APP: variants seen among roughly 807,000 people sequenced by gnomAD.
APP encodes the protein amyloid-beta precursor protein.
A neutral mutation model predicts 101.4 loss-of-function variants in APP; 31 were observed. That is an observed-to-expected ratio of 0.31 (90% confidence interval 0.23 to 0.41). The LOEUF (loss-of-function observed/expected upper bound fraction) is 0.41. Ranked by LOEUF, APP falls within the 10% of genes least tolerant of loss-of-function variation. The pLI is 1.00. For synonymous variants in APP, 366 were observed against 364.4 expected, an observed-to-expected ratio of 1.00 and a Z score of -0.05; for missense variants, 839 against 1,003.7, an observed-to-expected ratio of 0.84 and a Z score of 2.22.
chr21:26,018,476 G>T (rs571511519), intron 6 of APP, among the ~76,000 whole-genome samples: 11 of 152,328 alleles, frequency 7.2e-5, no homozygotes, highest in Non-Finnish European at 1.3e-4. Context: ...GTCACCTTTT[G>T]TAACAGTGAG....
intron 6 of APP, among the ~76,000 whole-genome samples, chr21:26,009,027 T>C (rs1473368549): frequency 6.6e-6 from 1 of 152,210 alleles, no homozygotes; most frequent in South Asian, 2.1e-4. Flanking sequence ...TCAACAACGA[T>C]TGTTTTCCAA....
chr21:25,970,542 G>T (rs2041992171), intron 11 of APP, among the ~76,000 whole-genome samples: 1 of 152,066 alleles, frequency 6.6e-6, no homozygotes, highest in Non-Finnish European at 1.5e-5. Flanking sequence ...AGGAACCAAG[G>T]AACTTTTGTT....
chr21:26,131,918 T>C (rs916768711), intron 1 of APP, among the ~76,000 whole-genome samples: 3 of 151,994 alleles, frequency 2.0e-5, no homozygotes, highest in Admixed American at 1.3e-4. Flanking sequence ...TTTTTTTTTT[T>C]CACTCAGATC....
Position 25,954,638 on chromosome 21 carries a change from G to A in APP, c.1639C>T (p.Leu547=), listed in dbSNP as rs1433797855. The A allele has an allele frequency of 5.0e-6, 8 of 1,614,054 alleles. No homozygotes were observed. Among genetic ancestry groups the A allele is most frequent in the Non-Finnish European group, 6.8e-6 (8 of 1,180,038 alleles). ...GCCACTGCAGGCACGTTGTAGAGCA[G>A]GGAGAGAGACTGATTCATGCGCTCA... ...IYERMNQSLS[L]LYNVPAVAEE... Residue 547 remains leucine, a synonymous_variant, in exon 13 of 18, where the codon CTG becomes TTG. Transcript: ENST00000346798.
chr21:25,999,007 C>A lies in APP; in HGVS notation c.1033+1008G>T, dbSNP rs184639891. ...AGAGAAAGACTTTGAAAATTATGTT[C>A]TGGCGGGGTGCAGTGGCTCACGCCT... On this transcript the variant is annotated intron_variant, in intron 7 of 17. Transcript: ENST00000346798. Among the ~76,000 whole-genome samples the A allele has an allele frequency of 5.9e-3, 903 of 152,262 alleles. 7 individuals are homozygous for A. Among genetic ancestry groups the A allele is most frequent in the Non-Finnish European group, 7.7e-3 (522 of 68,008 alleles).
At chr21:26,032,688 T>A (rs1278023347) in intron 5 of APP, among the ~76,000 whole-genome samples, 1 of 152,182 alleles carries the variant, frequency 6.6e-6, no homozygotes, top group Non-Finnish European at 1.5e-5. Flanking sequence ...CTTAAATGTA[T>A]ACTTATGACA....
In APP at chr21:26,170,725, C is replaced by T. The variant is rs1409364466; in HGVS notation, c.-105G>A. The stretch of plus-strand genomic sequence containing the variant: ...GCCGCCGTCTCCCGGGGCCCCCGCG[C>T]ACGCTCCTCCGCGTGCTCTCGCCTA... On this transcript the variant is annotated 5_prime_UTR_variant, in exon 1 of 18. Transcript: ENST00000346798. The T allele has an allele frequency of 1.6e-6, 2 of 1,219,288 alleles. No homozygotes were observed. The highest frequency in any genetic ancestry group is 3.4e-5 in the Admixed American group (1 of 29,664). The allele number at this position is 1,219,288 out of a possible 1,614,324, so 75.5% of individuals were successfully genotyped here.
chr21:26,024,325 G>T (rs1464454571), intron 5 of APP, among the ~76,000 whole-genome samples: 1 of 152,026 alleles, frequency 6.6e-6, no homozygotes, highest in Non-Finnish European at 1.5e-5. Flanking sequence ...AAAAAAAAGC[G>T]AGAGGGAGAA....
Position 26,170,446 on chromosome 21 carries a change from G to C in APP, c.57+118C>G, listed in dbSNP as rs1056106765. ...CGTCCGCAAGCGGGGGCGGAGAGGA[G>C]AGGGGTCCCATTGACGGACCCCCGG... On this transcript the variant is annotated intron_variant, in intron 1 of 17. Coordinates refer to ENST00000346798, the MANE Select transcript of APP (RefSeq NM_000484.4). 1.0e-5 allele frequency: 11 copies of C among 1,078,748 alleles called. 1 individual carries two copies. The highest frequency in any genetic ancestry group is 1.5e-5 in the Non-Finnish European group (11 of 755,352). The allele number at this position is 1,078,748 out of a possible 1,614,324, so 66.8% of individuals were successfully genotyped here.
intron 4 of APP, among the ~76,000 whole-genome samples, chr21:26,051,905 T>G (rs1307038211): frequency 1.3e-5 from 2 of 152,112 alleles, no homozygotes; most frequent in African/African-American, 4.8e-5. Flanking sequence ...CTTATGGGAG[T>G]CATTTCCGTT....
intron 13 of APP, among the ~76,000 whole-genome samples, chr21:25,950,024 G>A (rs549598201): frequency 6.6e-6 from 1 of 152,314 alleles, no homozygotes; most frequent in South Asian, 2.1e-4. Flanking sequence ...TGTGTGAAAT[G>A]CAAGAACAGC....
At chr21:25,907,294 T>A (rs2038843147) in intron 14 of APP, among the ~76,000 whole-genome samples, 1 of 152,154 alleles carries the variant, frequency 6.6e-6, no homozygotes, top group East Asian at 1.9e-4. Context: ...TAGTATAAAT[T>A]AATGCTCAAA....
intron 3 of APP, among the ~76,000 whole-genome samples, chr21:26,054,650 T>C (rs12329885): frequency 8.0e-6 from 1 of 124,638 alleles, no homozygotes; most frequent in Non-Finnish European, 1.7e-5. Flanking sequence ...TTTTTTAAGA[T>C]AGACTCTATA....
intron 13 of APP, among the ~76,000 whole-genome samples, chr21:25,915,456 A>G (rs1267068249): frequency 6.6e-6 from 1 of 152,266 alleles, no homozygotes; most frequent in Non-Finnish European, 1.5e-5. Flanking sequence ...CCTGGGCTTC[A>G]TAACACCAGC....
chr21:26,110,126 C>G (rs1473546471), intron 2 of APP, among the ~76,000 whole-genome samples: 1 of 152,158 alleles, frequency 6.6e-6, no homozygotes, highest in Non-Finnish European at 1.5e-5. Context: ...CTTAGTAAAT[C>G]AGCACACAGA....
rs1386906450 is a variant in APP at position 26,053,331 on chromosome 21, C to T, written c.373G>A (p.Asp125Asn). 28 of 1,612,312 alleles carry T rather than the reference C, an allele frequency of 1.7e-5. No individual in the cohort carries two copies. Among genetic ancestry groups the T allele is most frequent in the Non-Finnish European group, 2.3e-5 (27 of 1,178,526 alleles). Residue 125 changes from aspartate (D) to asparagine (N), a missense_variant, in exon 4 of 18, where the codon GAT becomes AAT. Coordinates refer to ENST00000346798, the MANE Select transcript of APP (RefSeq NM_000484.4). ...YRCLVGEFVS[D>N]ALLVPDKCKF... The stretch of plus-strand genomic sequence containing the variant: ...CACTTGTCAGGAACGAGAAGGGCAT[C>T]ACTTACAAACTCACCAACTGAAAGA...
intron 1 of APP, among the ~76,000 whole-genome samples, chr21:26,151,166 G>A (rs1428499185): frequency 6.6e-6 from 1 of 152,160 alleles, no homozygotes; most frequent in Non-Finnish European, 1.5e-5. Context: ...TAATGTTTTT[G>A]ACTTGTTTTT....
intron 11 of APP, among the ~76,000 whole-genome samples, chr21:25,974,661 A>C (rs2042158563): frequency 6.6e-6 from 1 of 152,202 alleles, no homozygotes; most frequent in South Asian, 2.1e-4. Flanking sequence ...GTGAGAAATA[A>C]ACTTCTGTTG....
intron 8 of APP, among the ~76,000 whole-genome samples, chr21:25,993,447 T>C (rs1159059423): frequency 1.3e-5 from 2 of 152,184 alleles, no homozygotes; most frequent in Non-Finnish European, 2.9e-5. Context: ...AACCAATGAC[T>C]TCAAACTAAG....
Sources: gnomAD v4.1 joint callset for allele counts (sites outside exome capture counted in the v4.1 genomes callset) on GRCh38, gnomAD v4.1.1 for gene constraint, MANE v1.5 for transcripts, NCBI Gene and HGNC (gene_info 2026-07-23, HGNC 2026-07-21) for gene names.